RAP2A: variants seen among roughly 807,000 people sequenced by gnomAD.
RAP2A encodes the protein ras-related protein Rap-2a.
In RAP2A, 5 loss-of-function variants were observed where a neutral mutation model predicts 15.1. That is an observed-to-expected ratio of 0.33 (90% CI 0.17 to 0.70). The LOEUF is 0.70. Among genes scored for constraint, RAP2A ranks in the 30% least tolerant of loss-of-function variants. The pLI is 0.68. For synonymous variants in RAP2A, 110 were observed against 99.7 expected (o/e 1.10, Z -0.62); for missense variants, 111 against 240.3 (o/e 0.46, Z 3.56).
chr13:97,447,193 C>G (rs1368490271), intron 1 of RAP2A, among the ~76,000 whole-genome samples: 1 of 152,200 alleles, frequency 6.6e-6, no homozygotes, highest in Non-Finnish European at 1.5e-5. Flanking sequence ...TGACCACTCT[C>G]ACCCATGCAT....
Position 97,434,770 on chromosome 13 carries a change from C to A in RAP2A, c.300C>A (p.Ile100=). 1 of 1,614,066 alleles carries A rather than the reference C, an allele frequency of 6.2e-7. No homozygotes were observed. Among genetic ancestry groups the A allele is most frequent in the Non-Finnish European group, 8.5e-7 (1 of 1,179,994 alleles). ...ACATCAAGCCCATGCGGGACCAGAT[C>A]ATCCGCGTGAAGCGGTGAGCGAGGG... ...FQDIKPMRDQ[I]IRVKRYEKVP... is the part of the protein sequence containing the mutation. Residue 100 remains isoleucine, a synonymous_variant, in exon 1 of 2, where the codon ATC becomes ATA. Coordinates refer to ENST00000245304, the MANE Select transcript of RAP2A (RefSeq NM_021033.7).
At position 97,465,234 on chromosome 13, in the gene RAP2A, A is replaced by G. The variant is rs2139044062; in HGVS notation, c.*792A>G. On this transcript the variant is annotated 3_prime_UTR_variant, in exon 2 of 2. Coordinates refer to ENST00000245304, the MANE Select transcript of RAP2A (RefSeq NM_021033.7). ...GTGGTCTTTATAACTTTACTGAACA[A>G]GAGGGAAGCAACTGTGATGGGAAGA... 6.5e-6 allele frequency: 1 copy of G among 152,758 alleles called. No homozygotes were observed. The highest frequency in any genetic ancestry group is 2.1e-4 in the South Asian group (1 of 4,828). The allele number at this position is 152,758 out of a possible 1,614,324, so 9.5% of individuals were successfully genotyped here.
At chr13:97,463,374 T>C in intron 1 of RAP2A, among the ~76,000 whole-genome samples, 1 of 152,250 alleles carries the variant, frequency 6.6e-6, no homozygotes, top group East Asian at 1.9e-4. Flanking sequence ...TTTATTAGTT[T>C]AGCTTTTTCC....
chr13:97,444,317 T>A (rs187345100), intron 1 of RAP2A, among the ~76,000 whole-genome samples: 2 of 151,764 alleles, frequency 1.3e-5, no homozygotes, highest in African/African-American at 4.8e-5. Flanking sequence ...AATATTAATA[T>A]GTGACATAAA....
Position 97,450,920 on chromosome 13 carries a change from T to C in RAP2A, c.315-13285T>C, listed in dbSNP as rs185988189. ...GCACTGTGGTCAATTGGATGCAATA[T>C]ATAGATCTAATAGTGAAGGAAATGT... On this transcript the variant is annotated intron_variant, in intron 1 of 1. Coordinates refer to ENST00000245304, the MANE Select transcript of RAP2A (RefSeq NM_021033.7). Among the ~76,000 whole-genome samples, 6 of 152,312 alleles carry C rather than the reference T, an allele frequency of 3.9e-5. No homozygotes were observed. The East Asian group carries it at 5.8e-4, about 15-fold the overall frequency.
At position 97,468,176 on chromosome 13, in the gene RAP2A, CAT is replaced by C. The variant is rs1187615211; in HGVS notation, c.*3735_*3736del. On this transcript the variant is annotated 3_prime_UTR_variant, in exon 2 of 2. Transcript: ENST00000245304. ...TCATAGTCTTTAAAAATAAAAATAA[CAT>C]GTAAGAGACTGTAAAATCAGTTATT... The C allele has an allele frequency of 2.0e-5, 3 of 151,998 alleles. No homozygotes were observed. The highest frequency in any genetic ancestry group is 4.8e-5 in the African/African-American group (2 of 41,376). The allele number at this position is 151,998 out of a possible 1,614,324, so 9.4% of individuals were successfully genotyped here.
In RAP2A at chr13:97,464,250, G is replaced by A. The variant is rs1202175658; in HGVS notation, c.360G>A (p.Leu120=). ...TCTTGGTTGGGAACAAAGTGGACCTGGAAAGTGAGAGAGAAGTATCGTCCA... is the reference window on the plus strand; with the variant it reads ...TCTTGGTTGGGAACAAAGTGGACCTAGAAAGTGAGAGAGAAGTATCGTCCA... ...PVILVGNKVD[L]ESEREVSSSE... is the part of the protein sequence containing the mutation. Residue 120 remains leucine (L), a synonymous_variant, in exon 2 of 2, where the codon CTG becomes CTA. Coordinates refer to ENST00000245304, the MANE Select transcript of RAP2A (RefSeq NM_021033.7). 11 of 1,614,096 alleles carry A rather than the reference G, an allele frequency of 6.8e-6. No individual in the cohort carries two copies. Among genetic ancestry groups the A allele is most frequent in the Admixed American group, 1.7e-5 (1 of 60,000 alleles).
chr13:97,452,650 G>GCACA (rs34107608), intron 1 of RAP2A, among the ~76,000 whole-genome samples: 30,766 of 148,058 alleles, frequency 0.21, 4,342 homozygotes, highest in South Asian at 0.39. Flanking sequence ...ACACACACAC[G>GCACA]CACACACACA....
chr13:97,458,997 T>C (rs2066735509), intron 1 of RAP2A, among the ~76,000 whole-genome samples: 1 of 152,112 alleles, frequency 6.6e-6, no homozygotes, highest in Non-Finnish European at 1.5e-5. Flanking sequence ...GTCAACACTA[T>C]GGAAATTCTT....
In RAP2A at chr13:97,434,766, A is replaced by G; in HGVS notation, c.296A>G (p.Gln99Arg). The change falls in exon 1 of 2, where the codon CAG (glutamine) becomes CGG (arginine). Residue 99 changes from glutamine to arginine, a missense_variant. Coordinates refer to ENST00000245304, the MANE Select transcript of RAP2A (RefSeq NM_021033.7). ...CAGGACATCAAGCCCATGCGGGACCAGATCATCCGCGTGAAGCGGTGAGCG... is the reference window on the plus strand; with the variant it reads ...CAGGACATCAAGCCCATGCGGGACCGGATCATCCGCGTGAAGCGGTGAGCG... Reference protein sequence around the residue: ...SFQDIKPMRDQIIRVKRYEKV... With the variant: ...SFQDIKPMRDRIIRVKRYEKV... The G allele has an allele frequency of 6.2e-7, 1 of 1,614,104 alleles. No individual in the cohort carries two copies. Among genetic ancestry groups the G allele is most frequent in the Non-Finnish European group, 8.5e-7 (1 of 1,180,016 alleles).
In RAP2A at chr13:97,451,681, G is replaced by C. The variant is rs1259161770; in HGVS notation, c.315-12524G>C. Among the ~76,000 whole-genome samples the C allele has an allele frequency of 4.8e-5, 7 of 144,552 alleles. 1 individual carries two copies. Among genetic ancestry groups the C allele is most frequent in the African/African-American group, 1.6e-4 (6 of 38,442 alleles). 94.8% of individuals were successfully genotyped at this position (144,552 alleles called of 152,430 possible). ...GAATATGTGTATACTTTCTTTTGGT[G>C]TAGCATTATTGGATCATAAGTACAT... On this transcript the variant is annotated intron_variant, in intron 1 of 1. Transcript: ENST00000245304.
chr13:97,464,088 A>C (rs182120602), intron 1 of RAP2A, 117 bp from the exon 2 acceptor site: 1 of 869,384 alleles, frequency 1.2e-6, no homozygotes, highest in African/African-American at 1.7e-5. Context: ...AATCATTTTC[A>C]TGCAACTGAA....
chr13:97,451,097 A>G (rs1026275720), intron 1 of RAP2A, among the ~76,000 whole-genome samples: 1 of 152,220 alleles, frequency 6.6e-6, no homozygotes, highest in Admixed American at 6.5e-5. Context: ...GCTGAGTAAG[A>G]AACTGACTGT....
At chr13:97,448,550 A>C (rs984504053) in intron 1 of RAP2A, among the ~76,000 whole-genome samples, 1 of 152,198 alleles carries the variant, frequency 6.6e-6, no homozygotes, top group Non-Finnish European at 1.5e-5. Context: ...TTTCACAAAT[A>C]AGGAACCTGA....
At chr13:97,436,126 G>C (rs946272629) in intron 1 of RAP2A, 2 of 152,122 alleles carry the variant, frequency 1.3e-5, no homozygotes, top group Non-Finnish European at 2.9e-5. Flanking sequence ...ATTCATCCTT[G>C]TGTTAAATTC....
chr13:97,452,448 G>T (rs1408599375), intron 1 of RAP2A, among the ~76,000 whole-genome samples: 1 of 151,204 alleles, frequency 6.6e-6, no homozygotes, highest in Non-Finnish European at 1.5e-5. Context: ...GTGTGAGTCT[G>T]TTTCTAGGCT....
chr13:97,464,123 C>A, intron 1 of RAP2A, 82 bp from the exon 2 acceptor site: 1 of 1,340,506 alleles, frequency 7.5e-7, no homozygotes, highest in Non-Finnish European at 1.1e-6. Context: ...TGGAATAGCC[C>A]CCAAAAACGA....
chr13:97,459,730 A>G lies in RAP2A; in HGVS notation c.315-4475A>G, dbSNP rs2066738605. Among the ~76,000 whole-genome samples, 3 of 152,256 alleles carry G rather than the reference A, an allele frequency of 2.0e-5. No individual in the cohort carries two copies. The South Asian group carries it at 6.2e-4, about 32-fold the overall frequency. ...GGATCATCTTATTTAAAACTGTGGC[A>G]CCTGTGCTCCCCACCCACCACCTGA... On this transcript the variant is annotated intron_variant, in intron 1 of 1. Coordinates refer to ENST00000245304, the MANE Select transcript of RAP2A (RefSeq NM_021033.7).
intron 1 of RAP2A, among the ~76,000 whole-genome samples, chr13:97,461,161 C>T (rs936869222): frequency 8.5e-5 from 13 of 152,128 alleles, no homozygotes; most frequent in African/African-American, 2.2e-4. Context: ...AAATGAAATA[C>T]AGATATGTAA....
Sources: gnomAD v4.1 joint callset for allele counts (sites outside exome capture counted in the v4.1 genomes callset) on GRCh38, gnomAD v4.1.1 for gene constraint, MANE v1.5 for transcripts, NCBI Gene and HGNC (gene_info 2026-07-23, HGNC 2026-07-21) for gene names.